The following DAPK2 variants were observed in gnomAD, a reference collection of about 807,000 sequenced individuals.
The protein encoded by DAPK2 is death associated protein kinase 2.
A neutral mutation model predicts 44.1 loss-of-function variants in DAPK2; 35 were observed. That is an observed-to-expected ratio of 0.79 (90% CI 0.61 to 1.05). The LOEUF (loss-of-function observed/expected upper bound fraction) is 1.05, where lower values mean the gene tolerates loss of function less well. Among genes scored for constraint, DAPK2 ranks in the 50% least tolerant of loss-of-function variants. The pLI is 0.00. For synonymous variants in DAPK2, 174 were observed against 182.6 expected (o/e 0.95, Z 0.38); for missense variants, 453 against 483.2 (o/e 0.94, Z 0.59).
chr15:63,982,324 G>A (rs992274292), intron 2 of DAPK2, among the ~76,000 whole-genome samples: 3 of 151,450 alleles, frequency 2.0e-5, no homozygotes, highest in African/African-American at 7.3e-5. Context: ...CCGAGTAGCT[G>A]GGATTACAGA....
At chr15:63,918,939 T>C (rs1391155303) in intron 8 of DAPK2, 1 of 152,270 alleles carries the variant, frequency 6.6e-6, no homozygotes, top group Non-Finnish European at 1.5e-5. Flanking sequence ...CCTTCCTTCC[T>C]CTAGGCACCA....
At chr15:63,936,725 C>T (rs1595752469) in intron 4 of DAPK2, among the ~76,000 whole-genome samples, 1 of 151,096 alleles carries the variant, frequency 6.6e-6, no homozygotes, top group East Asian at 2.0e-4. Flanking sequence ...TCACGCCTGT[C>T]ACCCAGCACT....
chr15:63,993,777 T>C (rs2078878052), intron 1 of DAPK2, among the ~76,000 whole-genome samples: 2 of 152,152 alleles, frequency 1.3e-5, no homozygotes, highest in Admixed American at 1.3e-4. Context: ...AATGAAGGAT[T>C]GGACCAAGAT....
chr15:63,976,914 T>A (rs573034082), intron 2 of DAPK2, among the ~76,000 whole-genome samples: 4 of 152,240 alleles, frequency 2.6e-5, no homozygotes, highest in Admixed American at 1.3e-4. Flanking sequence ...TCACATTACA[T>A]TTCTATTGGA....
intron 1 of DAPK2, among the ~76,000 whole-genome samples, chr15:64,003,312 G>GC (rs955500364): frequency 3.9e-5 from 6 of 152,292 alleles, no homozygotes; most frequent in African/African-American, 1.4e-4. Flanking sequence ...ACTTGGAATA[G>GC]CAACACTTGC....
chr15:64,016,014 A>G (rs1021107920), intron 1 of DAPK2, among the ~76,000 whole-genome samples: 1 of 152,224 alleles, frequency 6.6e-6, no homozygotes, highest in Admixed American at 6.5e-5. Context: ...AAGGGGGCAT[A>G]GGGAGGAAGG....
chr15:64,039,534 A>C (rs918175855), intron 1 of DAPK2, among the ~76,000 whole-genome samples: 1 of 152,226 alleles, frequency 6.6e-6, no homozygotes, highest in African/African-American at 2.4e-5. Flanking sequence ...CTACACTACC[A>C]CCTAAATATT....
In DAPK2 at chr15:63,917,668, T is replaced by C. The variant is rs182780754; in HGVS notation, c.859-5471A>G. ...GTAATCTCCCTCTCTTTAATCTCCA[T>C]TCAACTGTTCCAAGTTCCTAACCCC... On this transcript the variant is annotated intron_variant, in intron 8 of 10. Transcript: ENST00000261891. This position sits in a 1 kb window ranked among gnomAD's most constrained non-coding sequence, Gnocchi z 4.4. 6 of 152,352 alleles carry C rather than the reference T, an allele frequency of 3.9e-5. No individual in the cohort carries two copies. Among genetic ancestry groups the C allele is most frequent in the African/African-American group, 1.4e-4 (6 of 41,560 alleles). The allele number at this position is 152,352 out of a possible 1,614,324, so 9.4% of individuals were successfully genotyped here.
upstream of DAPK2, among the ~76,000 whole-genome samples, chr15:64,043,868 T>C (rs1251008474): frequency 2.0e-5 from 3 of 152,194 alleles, no homozygotes; most frequent in Non-Finnish European, 4.4e-5. Context: ...CCCCTTGTCG[T>C]AGGCTAGTAC....
At chr15:63,932,849 T>C (rs1383446091) in intron 4 of DAPK2, among the ~76,000 whole-genome samples, 2 of 152,238 alleles carry the variant, frequency 1.3e-5, no homozygotes, top group Non-Finnish European at 2.9e-5. Context: ...GTCACTTTAT[T>C]TTTTCACTGA....
At chr15:63,978,969 C>T (rs1047526971) in intron 2 of DAPK2, among the ~76,000 whole-genome samples, 1 of 152,214 alleles carries the variant, frequency 6.6e-6, no homozygotes. Context: ...AAAAATGCTG[C>T]CAGAGCTGCT....
rs1292992022 is a variant in DAPK2 at position 63,914,296 on chromosome 15, C to T, written c.859-2099G>A. On this transcript the variant is annotated intron_variant, in intron 8 of 10. Coordinates refer to ENST00000261891, the Ensembl canonical transcript of DAPK2. ...TGGAAGTGGATGGGAGATGAGAAAA[C>T]CTGGGGCTATTCACCCTCCGAAACT... Among the ~76,000 whole-genome samples the T allele has an allele frequency of 3.3e-5, 5 of 152,158 alleles. No individual in the cohort carries two copies. In the East Asian group the frequency reaches 7.7e-4, roughly 24 times the overall value.
chr15:63,912,204 G>A lies in DAPK2; in HGVS notation c.859-7C>T, dbSNP rs1007947012. The A allele has an allele frequency of 3.7e-6, 6 of 1,613,756 alleles. No individual in the cohort carries two copies. Among genetic ancestry groups the A allele is most frequent in the Non-Finnish European group, 5.1e-6 (6 of 1,179,986 alleles). ...CTTGCTGGTTGTCCACCGGCTGAGA[G>A]ACAAAGCAGAGCATGGCAGCTGATG... On this transcript the variant is annotated splice_polypyrimidine_tract_variant and splice_region_variant and intron_variant, in intron 8 of 10. Transcript: ENST00000261891. This position sits in a 1 kb window ranked among gnomAD's most constrained non-coding sequence, Gnocchi z 4.4.
intron 2 of DAPK2, among the ~76,000 whole-genome samples, chr15:63,977,079 T>G (rs527707795): frequency 8.7e-4 from 128 of 146,680 alleles, no homozygotes; most frequent in Middle Eastern, 3.4e-3. Flanking sequence ...AACATATCAA[T>G]GGCATCAAAA....
intron 1 of DAPK2, among the ~76,000 whole-genome samples, chr15:64,034,611 A>C (rs2080124107): frequency 4.6e-5 from 7 of 151,870 alleles, no homozygotes; most frequent in Admixed American, 4.6e-4. Flanking sequence ...AGTGGGGGCT[A>C]TGGATAAAGG....
At chr15:64,017,227 C>G (rs1014524148) in intron 1 of DAPK2, among the ~76,000 whole-genome samples, 1 of 152,172 alleles carries the variant, frequency 6.6e-6, no homozygotes, top group African/African-American at 2.4e-5. Flanking sequence ...TGTTTTGTGA[C>G]TAATGAATAC....
chr15:63,993,154 A>G (rs1369084632), intron 1 of DAPK2, among the ~76,000 whole-genome samples: 1 of 151,384 alleles, frequency 6.6e-6, no homozygotes, highest in East Asian at 1.9e-4. Flanking sequence ...CTGGCCCACA[A>G]CCCCCTGTGA....
At chr15:63,964,920 T>C (rs2078012341) in intron 3 of DAPK2, among the ~76,000 whole-genome samples, 1 of 152,240 alleles carries the variant, frequency 6.6e-6, no homozygotes, top group African/African-American at 2.4e-5. Context: ...AAAGGTCACA[T>C]GTCTCTGTCT....
At chr15:63,933,861 C>T (rs1262612379) in intron 4 of DAPK2, among the ~76,000 whole-genome samples, 2 of 152,266 alleles carry the variant, frequency 1.3e-5, no homozygotes, top group Middle Eastern at 3.4e-3. Flanking sequence ...TCCCAAAGTG[C>T]TGGGATTACA....
Sources: allele counts gnomAD v4.1 joint callset (sites outside exome capture counted in the v4.1 genomes callset), GRCh38; gene constraint gnomAD v4.1.1; non-coding constraint Gnocchi (gnomAD v3.1); transcripts MANE v1.5; gene names NCBI Gene and HGNC (gene_info 2026-07-23, HGNC 2026-07-21).